CAPN13: variants seen among roughly 807,000 people sequenced by gnomAD.
CAPN13 encodes calpain 13, also known as calpain-13.
CAPN13 carries 90 observed loss-of-function variants against 98.4 expected under a neutral mutation model. The observed-to-expected ratio is 0.92, with a 90% CI of 0.77 to 1.09. The LOEUF (loss-of-function observed/expected upper bound fraction) is 1.09, where lower values mean the gene tolerates loss of function less well. CAPN13 is among the 50% of genes least tolerant of loss of function. The probability of loss-of-function intolerance (pLI) is 0.00; values close to 1 mark genes in which losing one functional copy is unlikely to be tolerated. For missense variants in CAPN13, 887 were observed against 841.3 expected, an observed-to-expected ratio of 1.05 and a Z score of -0.67; for synonymous variants, 330 against 305.5, an observed-to-expected ratio of 1.08 and a Z score of -0.84.
intron 2 of CAPN13, among the ~76,000 whole-genome samples, chr2:30,782,555 G>A (rs555724560): frequency 6.6e-5 from 10 of 152,224 alleles, no homozygotes; most frequent in South Asian, 6.2e-4. Flanking sequence ...CGTTTTGGTC[G>A]CAAGGTGAGT....
chr2:30,732,602 C>G, intron 19 of CAPN13, 36 bp from the exon 20 acceptor site: 1 of 1,589,490 alleles, frequency 6.3e-7, no homozygotes, highest in Non-Finnish European at 8.5e-7. Context: ...TGAGAGGAGG[C>G]TAGGGCTCGG....
intron 3 of CAPN13, among the ~76,000 whole-genome samples, 184 bp from the exon 4 acceptor site, chr2:30,776,229 G>A (rs1673685147): frequency 6.6e-6 from 1 of 152,128 alleles, no homozygotes; most frequent in African/African-American, 2.4e-5. Flanking sequence ...AGATAAAGAA[G>A]GGGCAGTGGT....
chr2:30,759,774 G>A (rs575743770), intron 7 of CAPN13, among the ~76,000 whole-genome samples: 1 of 152,174 alleles, frequency 6.6e-6, no homozygotes, highest in Admixed American at 6.5e-5. Flanking sequence ...TTGGAATTAG[G>A]CATGAGTAAA....
intron 1 of CAPN13, among the ~76,000 whole-genome samples, chr2:30,802,567 C>T (rs954964323): frequency 2.7e-5 from 4 of 149,180 alleles, no homozygotes; most frequent in Admixed American, 6.7e-5. Context: ...GTGGTTAGAC[C>T]TCTGAGGTTT....
chr2:30,754,028 T>C (rs1672310576), intron 9 of CAPN13, among the ~76,000 whole-genome samples: 1 of 152,312 alleles, frequency 6.6e-6, no homozygotes, highest in African/African-American at 2.4e-5. Context: ...ATTTCAAGCC[T>C]TTGGTGCCAA....
chr2:30,788,090 G>T (rs1400828470), intron 1 of CAPN13, among the ~76,000 whole-genome samples: 1 of 151,502 alleles, frequency 6.6e-6, no homozygotes, highest in African/African-American at 2.4e-5. Flanking sequence ...ATGGGGGATA[G>T]GGAGGAAAAA....
At chr2:30,757,943 G>T in intron 8 of CAPN13, 103 bp downstream of exon 8, 2 of 829,062 alleles carry the variant, frequency 2.4e-6, no homozygotes, top group Non-Finnish European at 3.7e-6. Flanking sequence ...CAGGCCTGCA[G>T]TGAGATGCGC....
At chr2:30,726,473 T>C (rs1296408613) in intron 22 of CAPN13, among the ~76,000 whole-genome samples, 2 of 152,200 alleles carry the variant, frequency 1.3e-5, no homozygotes, top group Non-Finnish European at 1.5e-5. Context: ...CTTTTGAATA[T>C]ATAAAATTCT....
At chr2:30,742,048 G>A in intron 14 of CAPN13, 84 bp from the exon 15 acceptor site, 4 of 1,256,084 alleles carry the variant, frequency 3.2e-6, no homozygotes, top group South Asian at 2.5e-5. Context: ...AACAACCCCT[G>A]CCAAGATCTG....
intron 8 of CAPN13, among the ~76,000 whole-genome samples, chr2:30,755,767 T>A (rs1020578517): frequency 6.6e-6 from 1 of 152,234 alleles, no homozygotes; most frequent in African/African-American, 2.4e-5. Flanking sequence ...GGCAGTCAGA[T>A]GTGGTATTGT....
intron 2 of CAPN13, 67 bp from the exon 3 acceptor site, chr2:30,777,706 C>T: frequency 7.7e-7 from 1 of 1,299,726 alleles, no homozygotes; most frequent in Non-Finnish European, 1.1e-6. Flanking sequence ...CGACATCATT[C>T]ACTTTGTCTT....
chr2:30,795,183 C>A (rs544366765), intron 1 of CAPN13, among the ~76,000 whole-genome samples: 2 of 152,116 alleles, frequency 1.3e-5, no homozygotes, highest in Non-Finnish European at 2.9e-5. Flanking sequence ...TCTCAATGGA[C>A]ATTTAATGCT....
In CAPN13 at chr2:30,791,064, T is replaced by A. The variant is rs114244974; in HGVS notation, c.-32-3707A>T. ...GGAGGGGGACGGTACAATTCAGGCC[T>A]TGGCAGTGACTAACCCTAGCCTGAT... On this transcript the variant is annotated intron_variant, in intron 1 of 22. Coordinates refer to ENST00000295055, the MANE Select transcript of CAPN13 (RefSeq NM_144575.3). Among the ~76,000 whole-genome samples the A allele has an allele frequency of 5.1e-3, 783 of 152,292 alleles. 7 individuals are homozygous for A. The highest frequency in any genetic ancestry group is 0.018 in the African/African-American group (744 of 41,554).
At chr2:30,728,185 A>G (rs766678640) in intron 22 of CAPN13, among the ~76,000 whole-genome samples, 9 of 150,126 alleles carry the variant, frequency 6.0e-5, no homozygotes, top group Non-Finnish European at 1.0e-4. Flanking sequence ...TGCTGTGGGC[A>G]TGCTAGATGG....
At chr2:30,728,997 C>T (rs187288646) in intron 22 of CAPN13, among the ~76,000 whole-genome samples, 1 of 152,266 alleles carries the variant, frequency 6.6e-6, no homozygotes, top group Non-Finnish European at 1.5e-5. Context: ...TTAAAAGATA[C>T]ACATTTTTAA....
At chr2:30,757,059 TTGA>T (rs1672488782) in intron 8 of CAPN13, among the ~76,000 whole-genome samples, 1 of 152,196 alleles carries the variant, frequency 6.6e-6, no homozygotes, top group African/African-American at 2.4e-5. Context: ...CCTCACTGTA[TTGA>T]TTTCACTGTG....
chr2:30,800,783 TCTC>T (rs1464090699), intron 1 of CAPN13, among the ~76,000 whole-genome samples: 2 of 152,164 alleles, frequency 1.3e-5, no homozygotes, highest in Non-Finnish European at 2.9e-5. Flanking sequence ...TGCATGGAAA[TCTC>T]CTTTCCCCTC....
chr2:30,768,717 A>G (rs1008107825), intron 5 of CAPN13, among the ~76,000 whole-genome samples: 2 of 125,000 alleles, frequency 1.6e-5, no homozygotes, highest in African/African-American at 5.3e-5. Flanking sequence ...TTTTATCCAC[A>G]TTCTTTTTCT....
rs753166997 is a variant in CAPN13 at position 30,764,282 on chromosome 2, C to A, written c.549G>T (p.Leu183=). The A allele has an allele frequency of 1.2e-6, 2 of 1,613,800 alleles. No homozygotes were observed. Among genetic ancestry groups the A allele is most frequent in the Admixed American group, 3.3e-5 (2 of 60,008 alleles). ...YAKLLGSYSD[L]HYGFLEDALV... is the part of the protein sequence containing the mutation. ...GGGCATCCTCGAGGAAGCCATAGTG[C>A]AGATCGGAATAGGATCCGAGCAGCC... Residue 183 remains leucine, a synonymous_variant, in exon 6 of 23, where the codon CTG becomes CTT. Transcript: ENST00000295055.
Sources: gnomAD v4.1 joint callset for allele counts (sites outside exome capture counted in the v4.1 genomes callset) on GRCh38, gnomAD v4.1.1 for gene constraint, MANE v1.5 for transcripts, NCBI Gene and HGNC (gene_info 2026-07-23, HGNC 2026-07-21) for gene names.